Variants in CSNK1A1 observed in about 807,000 individuals in gnomAD.
CSNK1A1 encodes casein kinase 1 alpha 1.
CSNK1A1 carries 7 observed loss-of-function variants against 46.1 expected under a neutral mutation model. The ratio of observed to expected loss-of-function variants is 0.15; its 90% CI spans 0.09 to 0.29. The LOEUF is 0.29. Ranked by LOEUF, CSNK1A1 falls within the 10% of genes least tolerant of loss-of-function variation. The probability of loss-of-function intolerance (pLI) is 1.00; values close to 1 mark genes in which losing one functional copy is unlikely to be tolerated. For synonymous variants in CSNK1A1, 137 were observed against 141.5 expected (o/e 0.97, Z 0.23); for missense variants, 96 against 417.1 (o/e 0.23, Z 6.71).
At chr5:149,503,949 A>G in intron 9 of CSNK1A1, 1 of 985,406 alleles carries the variant, frequency 1.0e-6, no homozygotes. Context: ...AAGCAAATAT[A>G]CTATAGGTTG....
At chr5:149,538,554 G>A (rs1219934029) in intron 2 of CSNK1A1, among the ~76,000 whole-genome samples, 2 of 152,316 alleles carry the variant, frequency 1.3e-5, no homozygotes, top group South Asian at 2.1e-4. Flanking sequence ...GGGAACACTA[G>A]GATTTCTGTA....
intron 7 of CSNK1A1, among the ~76,000 whole-genome samples, chr5:149,508,430 C>T (rs1761105716): frequency 6.6e-6 from 1 of 151,982 alleles, no homozygotes; most frequent in Non-Finnish European, 1.5e-5. Context: ...TGATTTCTTC[C>T]CTCAACTATT....
At chr5:149,545,529 C>A in intron 2 of CSNK1A1, 2 of 655,034 alleles carry the variant, frequency 3.1e-6, no homozygotes, top group South Asian at 3.2e-5. Flanking sequence ...CACAAGCACA[C>A]TTCCCAAGCT....
chr5:149,497,096 A>T, intron 9 of CSNK1A1: 1 of 1,293,194 alleles, frequency 7.7e-7, no homozygotes. Context: ...GTGAATTCAA[A>T]GCCTCTCAGC....
intron 9 of CSNK1A1, chr5:149,498,681 G>A (rs921362760): frequency 9.1e-6 from 9 of 985,118 alleles, no homozygotes; most frequent in Admixed American, 6.2e-5. Flanking sequence ...TTTAAAAAAC[G>A]TATTTTCACA....
At position 149,550,574 on chromosome 5, in the gene CSNK1A1, G is replaced by A. The variant is rs1355687128; in HGVS notation, c.123+268C>T. ...TTTTGCCGTTTCCACCTTAAAAGAC[G>A]GTTAAAAAAAAAAAAAGCTCGACTA... On this transcript the variant is annotated intron_variant, in intron 1 of 9. Transcript: ENST00000377843. The surrounding 1 kb of genome is among the most constrained non-coding windows in gnomAD (Gnocchi z 4.3). Among the ~76,000 whole-genome samples the A allele has an allele frequency of 2.0e-5, 3 of 150,792 alleles. No homozygotes were observed. The highest frequency in any genetic ancestry group is 7.3e-5 in the African/African-American group (3 of 40,892).
chr5:149,545,268 C>A, intron 2 of CSNK1A1: 2 of 229,930 alleles, frequency 8.7e-6, no homozygotes. Flanking sequence ...CTTTTTTTTT[C>A]CCCTGCCTCA....
At position 149,550,186 on chromosome 5, in the gene CSNK1A1, A is replaced by G. The variant is rs1561777209; in HGVS notation, c.124-5T>C. 1 of 1,613,088 alleles carries G rather than the reference A, an allele frequency of 6.2e-7. No individual in the cohort carries two copies. ...TTCTAGCTTCACTGCCACTTCCTGC[A>G]GGGGAAAGAGGGGATGATGGCATCA... On this transcript the variant is annotated splice_polypyrimidine_tract_variant and splice_region_variant and intron_variant, in intron 1 of 9. Coordinates refer to ENST00000377843, the MANE Select transcript of CSNK1A1 (RefSeq NM_001892.6). This position sits in a 1 kb window ranked among gnomAD's most constrained non-coding sequence, Gnocchi z 4.3.
In CSNK1A1 at chr5:149,529,829, GA is replaced by G. The variant is rs374130023; in HGVS notation, c.231-4659del. On this transcript the variant is annotated intron_variant, in intron 2 of 9. Coordinates refer to ENST00000377843, the MANE Select transcript of CSNK1A1 (RefSeq NM_001892.6). ...ACAATATGGAAATGGAGGACCAGGGGAAGGAATGACAATGACATGGTTACCA... is the reference window on the plus strand; with the variant it reads ...ACAATATGGAAATGGAGGACCAGGGGAGGAATGACAATGACATGGTTACCA... 199 of 435,286 alleles carry G rather than the reference GA, an allele frequency of 4.6e-4. 2 individuals carry two copies. The highest frequency in any genetic ancestry group is 2.4e-3 in the Middle Eastern group (7 of 2,862). The allele number at this position is 435,286 out of a possible 1,614,324, so 27.0% of individuals were successfully genotyped here.
In CSNK1A1 at chr5:149,550,066, G is replaced by A; in HGVS notation, c.230+9C>T. ...CTCAGCGGATCGCCTATATGCACCG[G>A]GTTCTTACCGTATGTGGGGGATGCC... On this transcript the variant is annotated intron_variant, in intron 2 of 9. Transcript: ENST00000377843. This position sits in a 1 kb window ranked among gnomAD's most constrained non-coding sequence, Gnocchi z 4.3. The A allele has an allele frequency of 1.2e-6, 2 of 1,612,102 alleles. No homozygotes were observed. Among genetic ancestry groups the A allele is most frequent in the African/African-American group, 1.3e-5 (1 of 74,938 alleles).
rs12651970 is a variant in CSNK1A1 at position 149,516,347 on chromosome 5, A to C, written c.457-3138T>G. 2.6e-3 allele frequency among the ~76,000 whole-genome samples: 56 copies of C among 21,384 alleles called. No homozygotes were observed. In the South Asian group the frequency reaches 0.042, roughly 16 times the overall value. 14.0% of individuals were successfully genotyped at this position (21,384 alleles called of 152,430 possible). On this transcript the variant is annotated intron_variant, in intron 4 of 9. Coordinates refer to ENST00000377843, the MANE Select transcript of CSNK1A1 (RefSeq NM_001892.6). ...TCAAAACAAAACAAAAAAACCCCCCAAAAAAAACAAAAAATAAAACCAAAA... is the reference window on the plus strand; with the variant it reads ...TCAAAACAAAACAAAAAAACCCCCCCAAAAAAACAAAAAATAAAACCAAAA...
At chr5:149,532,301 C>A (rs1761926724) in intron 2 of CSNK1A1, among the ~76,000 whole-genome samples, 1 of 151,964 alleles carries the variant, frequency 6.6e-6, no homozygotes, top group South Asian at 2.1e-4. Flanking sequence ...ATATAAAATA[C>A]CTGTGATTTC....
chr5:149,535,608 C>G (rs1477648382), intron 2 of CSNK1A1, among the ~76,000 whole-genome samples: 1 of 152,120 alleles, frequency 6.6e-6, no homozygotes, highest in Admixed American at 6.5e-5. Context: ...TCCTAATACA[C>G]TATTAAGAGA....
intron 6 of CSNK1A1, among the ~76,000 whole-genome samples, chr5:149,510,464 CTTTGTTTTTTTGTTTGTTTG>C (rs935018712): frequency 5.5e-4 from 84 of 151,600 alleles, no homozygotes; most frequent in Non-Finnish European, 3.5e-4. Flanking sequence ...TTTTCCTTTT[CTTTGTTTTTTTGTTTGTTTG>C]TTTGTTTTTT....
chr5:149,545,258 CT>C (rs200907897), intron 2 of CSNK1A1: 84 of 223,180 alleles, frequency 3.8e-4, no homozygotes, highest in Middle Eastern at 3.0e-3. Context: ...AATTTTCTTT[CT>C]TTTTTTTTCC....
intron 5 of CSNK1A1, among the ~76,000 whole-genome samples, chr5:149,512,462 GT>G (rs1040344697): frequency 2.0e-5 from 3 of 152,048 alleles, no homozygotes; most frequent in Non-Finnish European, 4.4e-5. Context: ...GCATATCATT[GT>G]TTTTTCTACT....
intron 2 of CSNK1A1, among the ~76,000 whole-genome samples, chr5:149,548,103 TA>T (rs1434813255): frequency 2.6e-5 from 4 of 152,010 alleles, no homozygotes; most frequent in Non-Finnish European, 5.9e-5. Context: ...ACTCCTGACT[TA>T]AAGTAACCTG....
Position 149,507,015 on chromosome 5 carries a change from T to C in CSNK1A1, c.857+12A>G. The C allele has an allele frequency of 6.2e-7, 1 of 1,602,180 alleles. No individual in the cohort carries two copies. Among genetic ancestry groups the C allele is most frequent in the Non-Finnish European group, 8.5e-7 (1 of 1,173,660 alleles). ...ACAGAGTTTATAATCTTAAAATACCTTAAAAACTGACCTGAAAAGAATGCG... is the reference window on the plus strand; with the variant it reads ...ACAGAGTTTATAATCTTAAAATACCCTAAAAACTGACCTGAAAAGAATGCG... On this transcript the variant is annotated intron_variant, in intron 8 of 9. Transcript: ENST00000377843.
Position 149,527,114 on chromosome 5 carries a change from T to A in CSNK1A1, c.231-1943A>T, listed in dbSNP as rs117849524. Among the ~76,000 whole-genome samples the A allele has an allele frequency of 1.7e-4, 25 of 149,688 alleles. No individual in the cohort carries two copies. In the East Asian group the frequency reaches 4.5e-3, roughly 27 times the overall value. On this transcript the variant is annotated intron_variant, in intron 2 of 9. Coordinates refer to ENST00000377843, the MANE Select transcript of CSNK1A1 (RefSeq NM_001892.6). Reference sequence around the variant, plus strand: ...AGGCTAGGAAACAAATGTGTCAACGTGACAGCAAAAGAGCCATTTTTTTTT... The same window carrying A: ...AGGCTAGGAAACAAATGTGTCAACGAGACAGCAAAAGAGCCATTTTTTTTT...
Sources: gnomAD v4.1 joint callset for allele counts (sites outside exome capture counted in the v4.1 genomes callset) on GRCh38, gnomAD v4.1.1 for gene constraint, Gnocchi (gnomAD v3.1) non-coding constraint, MANE v1.5 for transcripts, NCBI Gene and HGNC (gene_info 2026-07-23, HGNC 2026-07-21) for gene names.